LRRIQ1: variants seen among roughly 807,000 people sequenced by gnomAD.
The protein encoded by LRRIQ1 is leucine rich repeats and IQ motif containing 1.
Under a neutral mutation model 211.9 loss-of-function variants are expected in LRRIQ1, and 210 were observed. The observed-to-expected ratio is 0.99, with a 90% confidence interval of 0.89 to 1.11. The LOEUF (loss-of-function observed/expected upper bound fraction) is 1.11, where lower values mean the gene tolerates loss of function less well. LRRIQ1 is among the 50% of genes most tolerant of loss of function. LRRIQ1 has a pLI of 0.00. For missense variants in LRRIQ1, 2,136 were observed against 1,939.5 expected (o/e 1.10, Z -1.90); for synonymous variants, 699 against 650.1 (o/e 1.08, Z -1.14).
At chr12:85,228,983 A>T (rs891499718) in intron 24 of LRRIQ1, among the ~76,000 whole-genome samples, 8 of 152,206 alleles carry the variant, frequency 5.3e-5, no homozygotes. Context: ...GATCAAGTCC[A>T]TGGAGGAAGG....
chr12:85,048,572 A>T (rs567160377), intron 6 of LRRIQ1: 147 of 151,996 alleles, frequency 9.7e-4, no homozygotes, highest in African/African-American at 3.4e-3. Flanking sequence ...AAAAAAAAAA[A>T]AGAAAGAAGA....
At chr12:85,172,720 A>T (rs1386071212) in intron 24 of LRRIQ1, among the ~76,000 whole-genome samples, 2 of 152,186 alleles carry the variant, frequency 1.3e-5, no homozygotes, top group Non-Finnish European at 2.9e-5. Context: ...AAAAGCTTAA[A>T]CCAGCAATGG....
rs1409208062 is a variant in LRRIQ1, at chr12:85,153,096, A to T, written c.4492A>T (p.Asn1498Tyr). Reference sequence around the variant, plus strand: ...TAATCCAGCTCAAGCATGGTTATGTAATGACAAAGAAAATTTGTCTTCTTC... The same window carrying T: ...TAATCCAGCTCAAGCATGGTTATGTTATGACAAAGAAAATTTGTCTTCTTC... ...PSNPAQAWLC[N>Y]DKENLSSSEH... Residue 1498 changes from asparagine to tyrosine, a missense_variant, in exon 21 of 27, where the codon AAT becomes TAT. By Grantham distance (143) the Asn-to-Tyr change is moderately radical. Coordinates refer to ENST00000393217, the MANE Select transcript of LRRIQ1 (RefSeq NM_001079910.2). 1 of 1,589,432 alleles carries T rather than the reference A, an allele frequency of 6.3e-7. No individual in the cohort carries two copies. The highest frequency in any genetic ancestry group is 8.6e-7 in the Non-Finnish European group (1 of 1,165,766).
Position 85,177,163 on chromosome 12 carries a change from T to C in LRRIQ1, c.4822+16449T>C, listed in dbSNP as rs188454751. 5.4e-3 allele frequency among the ~76,000 whole-genome samples: 825 copies of C among 152,276 alleles called. 31 individuals carry two copies. Among genetic ancestry groups the C allele is most frequent in the Admixed American group, 0.05 (756 of 15,258 alleles). The stretch of plus-strand genomic sequence containing the variant: ...CAAGAATGAGCTCACCTTTAGAATG[T>C]GTTAACTAAGATTTAATTCCTTATC... On this transcript the variant is annotated intron_variant, in intron 24 of 26. Transcript: ENST00000393217.
At chr12:85,239,091 G>T (rs1895337762) in intron 26 of LRRIQ1, among the ~76,000 whole-genome samples, 1 of 151,954 alleles carries the variant, frequency 6.6e-6, no homozygotes. Context: ...GCAAAACACT[G>T]CTTTAAAAAA....
chr12:85,198,928 T>C (rs1358724183), intron 24 of LRRIQ1, among the ~76,000 whole-genome samples: 1 of 152,218 alleles, frequency 6.6e-6, no homozygotes, highest in Non-Finnish European at 1.5e-5. Flanking sequence ...GAAAAGTGTC[T>C]GTTCAAGTCC....
At chr12:85,261,435 T>G (rs2137337143) in intron 1 of LRRIQ1, among the ~76,000 whole-genome samples, 1 of 152,314 alleles carries the variant, frequency 6.6e-6, no homozygotes, top group South Asian at 2.1e-4. Flanking sequence ...GCATCAAATT[T>G]GAAATTACAG....
At chr12:85,271,522 G>A in the LRRIQ1 span, among the ~76,000 whole-genome samples, 5 of 152,006 alleles carry the variant, frequency 3.3e-5, no homozygotes, top group South Asian at 8.3e-4. Context: ...ACACAAAATA[G>A]CTTCATATTA....
At chr12:85,085,195 A>G (rs1007200671) in intron 11 of LRRIQ1, among the ~76,000 whole-genome samples, 5 of 152,082 alleles carry the variant, frequency 3.3e-5, no homozygotes, top group Non-Finnish European at 7.4e-5. Flanking sequence ...AGACTGGGTA[A>G]TTTATAAAGG....
At chr12:85,149,530 A>C (rs555644967) in intron 19 of LRRIQ1, among the ~76,000 whole-genome samples, 1 of 151,954 alleles carries the variant, frequency 6.6e-6, no homozygotes, top group East Asian at 1.9e-4. Flanking sequence ...GGCTTTATTA[A>C]GCAACAACTG....
At chr12:85,201,440 A>G (rs1469118264) in intron 24 of LRRIQ1, among the ~76,000 whole-genome samples, 1 of 151,844 alleles carries the variant, frequency 6.6e-6, no homozygotes, top group African/African-American at 2.4e-5. Context: ...TTGATTGGCC[A>G]ACTTACTACT....
chr12:85,054,019 CTT>C (rs1326314649), intron 7 of LRRIQ1, among the ~76,000 whole-genome samples: 1 of 152,156 alleles, frequency 6.6e-6, no homozygotes, highest in Non-Finnish European at 1.5e-5. Context: ...AAAGATATGA[CTT>C]TGTTGCATAT....
intron 24 of LRRIQ1, among the ~76,000 whole-genome samples, chr12:85,172,714 G>A (rs1328473574): frequency 6.6e-6 from 1 of 152,072 alleles, no homozygotes; most frequent in Admixed American, 6.6e-5. Context: ...GAAAGCAAAA[G>A]CTTAAACCAG....
intron 19 of LRRIQ1, among the ~76,000 whole-genome samples, chr12:85,141,940 A>G (rs910430344): frequency 5.9e-4 from 87 of 148,496 alleles, no homozygotes; most frequent in Non-Finnish European, 1.1e-3. Flanking sequence ...CTTTCCTGCC[A>G]TTAACATGCT....
intron 16 of LRRIQ1, among the ~76,000 whole-genome samples, chr12:85,123,631 TC>T (rs1225172044): frequency 6.6e-6 from 1 of 152,168 alleles, no homozygotes; most frequent in East Asian, 1.9e-4. Context: ...ATAAAAATTT[TC>T]CCATAATGTA....
intron 24 of LRRIQ1, among the ~76,000 whole-genome samples, chr12:85,227,420 C>T (rs888945843): frequency 5.9e-5 from 9 of 152,188 alleles, no homozygotes; most frequent in African/African-American, 2.2e-4. Context: ...TCTCTGATGG[C>T]CAATGATGAT....
intron 24 of LRRIQ1, among the ~76,000 whole-genome samples, chr12:85,197,123 A>G (rs1308110342): frequency 5.3e-5 from 8 of 152,216 alleles, no homozygotes; most frequent in Admixed American, 6.5e-5. Flanking sequence ...CAAAACCACA[A>G]TGAGATACCA....
At chr12:85,166,027 C>G (rs1891141147) in intron 24 of LRRIQ1, among the ~76,000 whole-genome samples, 1 of 151,776 alleles carries the variant, frequency 6.6e-6, no homozygotes, top group South Asian at 2.1e-4. Context: ...CATTTTGAAT[C>G]ACATGTTTTA....
At chr12:85,222,693 C>A (rs1309831935) in intron 24 of LRRIQ1, among the ~76,000 whole-genome samples, 1 of 152,006 alleles carries the variant, frequency 6.6e-6, no homozygotes, top group Admixed American at 6.6e-5. Context: ...TGTAAAAAGT[C>A]AGTTTTAAGA....
Sources: allele counts gnomAD v4.1 joint callset (sites outside exome capture counted in the v4.1 genomes callset), GRCh38; gene constraint gnomAD v4.1.1; transcripts MANE v1.5; gene names NCBI Gene and HGNC (gene_info 2026-07-23, HGNC 2026-07-21).